Variants in RAD54L2 observed in about 807,000 individuals in gnomAD.
RAD54L2 encodes the protein RAD54 like 2.
RAD54L2 carries 27 observed loss-of-function variants against 138.4 expected under a neutral mutation model. That is an observed-to-expected ratio of 0.20 (90% CI 0.14 to 0.27). The LOEUF (loss-of-function observed/expected upper bound fraction) is 0.27. Among genes scored for constraint, RAD54L2 ranks in the 10% least tolerant of loss-of-function variants. The pLI is 1.00. For synonymous variants in RAD54L2, 644 were observed against 723.2 expected (o/e 0.89, Z 1.76); for missense variants, 1,396 against 1,890.2 (o/e 0.74, Z 4.85).
At chr3:51,625,984 C>T (rs886877090) in intron 3 of RAD54L2, among the ~76,000 whole-genome samples, 6 of 151,874 alleles carry the variant, frequency 4.0e-5, no homozygotes, top group African/African-American at 1.5e-4. Context: ...GGATGGGGTC[C>T]TGTAACAGAA....
intron 2 of RAD54L2, among the ~76,000 whole-genome samples, chr3:51,553,740 G>T (rs1471796106): frequency 6.6e-6 from 1 of 152,174 alleles, no homozygotes; most frequent in South Asian, 2.1e-4. Flanking sequence ...TGAGGTGGAA[G>T]AATCACTTGC....
At chr3:51,657,268 A>T (rs902871112) in intron 20 of RAD54L2, among the ~76,000 whole-genome samples, 1 of 152,208 alleles carries the variant, frequency 6.6e-6, no homozygotes, top group African/African-American at 2.4e-5. Context: ...AAAAAAATGC[A>T]TAGAAACAAC....
intron 2 of RAD54L2, among the ~76,000 whole-genome samples, chr3:51,569,183 T>G (rs1699281407): frequency 6.6e-6 from 1 of 152,174 alleles, no homozygotes; most frequent in Non-Finnish European, 1.5e-5. Context: ...AGGTCTTATC[T>G]CTAGTGCCAC....
chr3:51,585,377 A>G (rs1399509844), intron 2 of RAD54L2, among the ~76,000 whole-genome samples: 1 of 152,148 alleles, frequency 6.6e-6, no homozygotes, highest in Non-Finnish European at 1.5e-5. Context: ...GAGCTGCCTC[A>G]CAATGATGAG....
At chr3:51,562,972 A>G (rs2106641955) in intron 2 of RAD54L2, among the ~76,000 whole-genome samples, 1 of 152,282 alleles carries the variant, frequency 6.6e-6, no homozygotes. Context: ...ATTCCCAGGC[A>G]ATACCTCTGC....
intron 3 of RAD54L2, among the ~76,000 whole-genome samples, chr3:51,601,843 GTGTTTTTT>G (rs896658571): frequency 2.0e-5 from 3 of 150,004 alleles, no homozygotes; most frequent in African/African-American, 7.5e-5. Context: ...TCCATTTCAT[GTGTTTTTT>G]TGTTTTTTTG....
intron 3 of RAD54L2, among the ~76,000 whole-genome samples, chr3:51,626,341 T>C (rs1700681533): frequency 6.7e-6 from 1 of 149,304 alleles, no homozygotes; most frequent in African/African-American, 2.5e-5. Flanking sequence ...CTCAGCAGGC[T>C]GAGGACAGGG....
At chr3:51,598,014 TGAGA>T (rs1384643805) in intron 3 of RAD54L2, among the ~76,000 whole-genome samples, 4 of 146,802 alleles carry the variant, frequency 2.7e-5, no homozygotes, top group Admixed American at 6.8e-5. Context: ...CCAGAACTCC[TGAGA>T]GAGAGAGAAA....
rs757197246 is a variant in RAD54L2, at chr3:51,639,645, GCAA to G, written c.2093_2095del (p.Asn698del). On this transcript the variant is annotated inframe_deletion, in exon 13 of 23. Transcript: ENST00000684192. Reference sequence around the variant, plus strand: ...GGCTTCAACCCTTTCCAGGAGCGAGGCAACAACATTGTCACATATGAATGGGTG... The same window carrying G: ...GGCTTCAACCCTTTCCAGGAGCGAGGCAACATTGTCACATATGAATGGGTG... 7 of 1,613,642 alleles carry G rather than the reference GCAA, an allele frequency of 4.3e-6. No homozygotes were observed. The highest frequency in any genetic ancestry group is 5.1e-6 in the Non-Finnish European group (6 of 1,179,812).
chr3:51,542,925 A>G (rs1698589762), intron 2 of RAD54L2, among the ~76,000 whole-genome samples: 1 of 152,128 alleles, frequency 6.6e-6, no homozygotes, highest in African/African-American at 2.4e-5. Flanking sequence ...CCATTGATAG[A>G]ACACTAAAGT....
At chr3:51,589,691 C>T (rs943972662) in intron 2 of RAD54L2, among the ~76,000 whole-genome samples, 4 of 151,062 alleles carry the variant, frequency 2.6e-5, no homozygotes, top group Admixed American at 6.6e-5. Flanking sequence ...TATACACACA[C>T]ACACACACAC....
At chr3:51,597,182 A>C (rs1302039154) in intron 3 of RAD54L2, among the ~76,000 whole-genome samples, 2 of 151,302 alleles carry the variant, frequency 1.3e-5, no homozygotes, top group African/African-American at 2.4e-5. Context: ...AAAAAAAAAA[A>C]AAAAAAACCC....
rs748520877 is a variant in RAD54L2 at position 51,662,629 on chromosome 3, C to G, written c.3613C>G (p.Pro1205Ala). 6.2e-7 allele frequency: 1 copy of G among 1,612,316 alleles called. No individual in the cohort carries two copies. Among genetic ancestry groups the G allele is most frequent in the Non-Finnish European group, 8.5e-7 (1 of 1,179,148 alleles). Residue 1205 changes from proline (P) to alanine (A), a missense_variant, in exon 23 of 23, where the codon CCC becomes GCC. Physicochemically the swap from Pro to Ala is conservative, Grantham distance 27 (BLOSUM62 -1). Around this residue, in one of 7 missense-constraint regions of RAD54L2, gnomAD observed 634 missense variants for 711.2 expected, o/e 0.89. Coordinates refer to ENST00000684192, the MANE Select transcript of RAD54L2 (RefSeq NM_015106.4). This position sits in a 1 kb window ranked among gnomAD's most constrained non-coding sequence, Gnocchi z 4.6. ...AAGCACCAATGCCGCCCTGCCTGGC[C>G]CCCCGGCCCAACTTATGGACAGCAG... ...SPSTNAALPG[P>A]PAQLMDSSAV...
In RAD54L2 at chr3:51,639,923, A is replaced by G; in HGVS notation, c.2155A>G (p.Asn719Asp). ...TAATTACCAGACTGGAGTCCTAGAAAACTCTCCCAAGATGGTACTGCTTTT... is the reference window on the plus strand; with the variant it reads ...TAATTACCAGACTGGAGTCCTAGAAGACTCTCCCAAGATGGTACTGCTTTT... ...LTNYQTGVLE[N>D]SPKMVLLFHL... Residue 719 changes from asparagine to aspartate, a missense_variant, in exon 14 of 23, where the codon AAC (asparagine) becomes GAC (aspartate). Physicochemically the swap from Asn to Asp is conservative, Grantham distance 23 (BLOSUM62 1). Around this residue, in one of 7 missense-constraint regions of RAD54L2, gnomAD observed 211 missense variants for 273.8 expected, o/e 0.77. Transcript: ENST00000684192. The G allele has an allele frequency of 6.2e-7, 1 of 1,612,344 alleles. No homozygotes were observed. Among genetic ancestry groups the G allele is most frequent in the Non-Finnish European group, 8.5e-7 (1 of 1,178,968 alleles).
At chr3:51,615,295 G>A (rs191988384) in intron 3 of RAD54L2, among the ~76,000 whole-genome samples, 16 of 152,318 alleles carry the variant, frequency 1.1e-4, no homozygotes, top group Middle Eastern at 3.4e-3. Flanking sequence ...GATTATAGGC[G>A]TGAGCCACTG....
At chr3:51,540,040 TG>T (rs1402256338) in intron 1 of RAD54L2, among the ~76,000 whole-genome samples, 1 of 152,244 alleles carries the variant, frequency 6.6e-6, no homozygotes, top group Non-Finnish European at 1.5e-5. Flanking sequence ...GTTTTTGAAT[TG>T]TGACTCATAC....
In RAD54L2 at chr3:51,598,094, G is replaced by GAT. The variant is rs369698349; in HGVS notation, c.139+7550_139+7551dup. 5.4e-3 allele frequency among the ~76,000 whole-genome samples: 777 copies of GAT among 144,444 alleles called. 8 individuals carry two copies. The highest frequency in any genetic ancestry group is 0.018 in the East Asian group (91 of 4,974). The allele number at this position is 144,444 out of a possible 152,430, so 94.8% of individuals were successfully genotyped here. On this transcript the variant is annotated intron_variant, in intron 3 of 22. Coordinates refer to ENST00000684192, the MANE Select transcript of RAD54L2 (RefSeq NM_015106.4). The stretch of plus-strand genomic sequence containing the variant: ...GTGGTATTAAGCCTAAAATACCCAT[G>GAT]ATATATATATATATATGTGTGTGTG...
intron 2 of RAD54L2, among the ~76,000 whole-genome samples, chr3:51,547,439 A>G (rs1443058038): frequency 6.6e-6 from 1 of 151,946 alleles, no homozygotes; most frequent in East Asian, 1.9e-4. Context: ...AATTTCAGCC[A>G]GTGGAGGCAC....
At chr3:51,599,496 C>G (rs1414877941) in intron 3 of RAD54L2, among the ~76,000 whole-genome samples, 1 of 151,900 alleles carries the variant, frequency 6.6e-6, no homozygotes, top group Non-Finnish European at 1.5e-5. Context: ...AGTATACAAT[C>G]AAACCTGAAT....
Sources: gnomAD v4.1 joint callset for allele counts (sites outside exome capture counted in the v4.1 genomes callset) on GRCh38, gnomAD v4.1.1 for gene constraint, gnomAD v4.1.1 regional missense constraint, Gnocchi (gnomAD v3.1) non-coding constraint, MANE v1.5 for transcripts, NCBI Gene and HGNC (gene_info 2026-07-23, HGNC 2026-07-21) for gene names.